CELF2: variants seen among roughly 807,000 people sequenced by gnomAD.
CELF2 encodes the protein CUG triplet repeat RNA-binding protein 2.
Under a neutral mutation model 62.6 loss-of-function variants are expected in CELF2, and 8 were observed. That is an observed-to-expected ratio of 0.13 (90% confidence interval 0.07 to 0.23). The LOEUF (loss-of-function observed/expected upper bound fraction) is 0.23. CELF2 is among the 10% of genes least tolerant of loss of function. The pLI is 1.00. For missense variants in CELF2, 333 were observed against 671.0 expected (o/e 0.50, Z 5.56); for synonymous variants, 258 against 250.0 (o/e 1.03, Z -0.30).
chr10:10,643,847 T>C, the CELF2 span, among the ~76,000 whole-genome samples: 1 of 152,224 alleles, frequency 6.6e-6, no homozygotes, highest in Non-Finnish European at 1.5e-5. Flanking sequence ...TGGCAATTTC[T>C]TAACTCTCAT....
the CELF2 span, among the ~76,000 whole-genome samples, chr10:10,593,343 T>A: frequency 4.5e-4 from 68 of 152,352 alleles, no homozygotes; most frequent in African/African-American, 1.5e-3. Flanking sequence ...ATCCAAGGTC[T>A]CCAGTAGAAT....
At chr10:10,933,145 G>T (rs565471071) in intron 2 of CELF2, among the ~76,000 whole-genome samples, 115 of 150,452 alleles carry the variant, frequency 7.6e-4, no homozygotes, top group African/African-American at 2.7e-3. Context: ...AAAAAAAAAG[G>T]TACAAAAGTT....
chr10:10,563,633 AG>A, the CELF2 span, among the ~76,000 whole-genome samples: 1 of 148,562 alleles, frequency 6.7e-6, no homozygotes, highest in Non-Finnish European at 1.5e-5. Context: ...AAAAAGGGCA[AG>A]GGGAAGATAG....
rs1395871858 is a variant in CELF2, at chr10:11,324,898, T to A, written c.1295-938T>A. Among the ~76,000 whole-genome samples, 1 of 152,186 alleles carries A rather than the reference T, an allele frequency of 6.6e-6. No homozygotes were observed. Among genetic ancestry groups the A allele is most frequent in the Non-Finnish European group, 1.5e-5 (1 of 68,028 alleles). Reference sequence around the variant, plus strand: ...GCTGCAGAAGTCGCCTCACCAGTTCTGTGAGCGCCCCTCCTCGGAAGACTC... The same window carrying A: ...GCTGCAGAAGTCGCCTCACCAGTTCAGTGAGCGCCCCTCCTCGGAAGACTC... On this transcript the variant is annotated intron_variant, in intron 11 of 12. Transcript: ENST00000633077. This position sits in a 1 kb window ranked among gnomAD's most constrained non-coding sequence, Gnocchi z 4.7.
intron 1 of CELF2, chr10:10,798,892 G>C (rs1367162763): frequency 5.0e-6 from 2 of 398,696 alleles, no homozygotes; most frequent in African/African-American, 4.1e-5. Flanking sequence ...CCACACCTGT[G>C]CAGAAGTGGT....
chr10:11,126,109 G>C (rs2058654449), intron 1 of CELF2, among the ~76,000 whole-genome samples: 1 of 152,218 alleles, frequency 6.6e-6, no homozygotes, highest in Non-Finnish European at 1.5e-5. Flanking sequence ...AAGATACGCT[G>C]TCTGGAAGAC....
At chr10:11,054,069 T>A (rs533831114) in intron 1 of CELF2, among the ~76,000 whole-genome samples, 1 of 152,352 alleles carries the variant, frequency 6.6e-6, no homozygotes, top group East Asian at 1.9e-4. Flanking sequence ...TAATTTCCAG[T>A]ATCTTTAGTA....
the CELF2 span, among the ~76,000 whole-genome samples, chr10:10,728,858 C>T: frequency 1.1e-4 from 17 of 152,074 alleles, no homozygotes; most frequent in Non-Finnish European, 2.1e-4. Context: ...ATGATTCTAC[C>T]GCCTCTAAAT....
At chr10:10,686,147 C>T in the CELF2 span, among the ~76,000 whole-genome samples, 22 of 152,056 alleles carry the variant, frequency 1.4e-4, no homozygotes, top group Non-Finnish European at 2.8e-4. Flanking sequence ...CAAATAGATC[C>T]TTTCAATTGG....
the CELF2 span, among the ~76,000 whole-genome samples, chr10:10,516,735 A>G: frequency 3.7e-5 from 1 of 26,858 alleles, no homozygotes; most frequent in South Asian, 1.4e-3. Context: ...CAGCATCATT[A>G]AAAAAAAAAA....
At chr10:11,069,640 C>G (rs535383026) in intron 1 of CELF2, among the ~76,000 whole-genome samples, 1 of 152,054 alleles carries the variant, frequency 6.6e-6, no homozygotes, top group Non-Finnish European at 1.5e-5. Context: ...TATAAGTGGA[C>G]AAATGCAGGT....
the CELF2 span, among the ~76,000 whole-genome samples, chr10:10,479,916 C>T: frequency 1.3e-5 from 2 of 152,172 alleles, no homozygotes; most frequent in Non-Finnish European, 2.9e-5. Flanking sequence ...CGTAACTGTG[C>T]ATTCATTGTC....
intron 1 of CELF2, among the ~76,000 whole-genome samples, chr10:10,818,112 C>T (rs1787063020): frequency 6.6e-6 from 1 of 152,138 alleles, no homozygotes; most frequent in South Asian, 2.1e-4. Flanking sequence ...TCATTGGGGT[C>T]AATAAAATTG....
the CELF2 span, among the ~76,000 whole-genome samples, chr10:10,577,364 T>TTTATTATTATTATTATTATTA: frequency 2.1e-4 from 30 of 141,424 alleles, no homozygotes; most frequent in Middle Eastern, 7.1e-3. Context: ...AACAAATCTT[T>TTTATTATTATTATTATTATTA]TTATTATTAT....
intron 2 of CELF2, among the ~76,000 whole-genome samples, chr10:11,209,636 GT>G (rs200006207): frequency 3.4e-5 from 5 of 148,362 alleles, no homozygotes; most frequent in Admixed American, 6.7e-5. Context: ...TTTTTGATGG[GT>G]TTTTTTTTAA....
At chr10:10,464,693 G>A in the CELF2 span, among the ~76,000 whole-genome samples, 4 of 152,084 alleles carry the variant, frequency 2.6e-5, no homozygotes, top group Non-Finnish European at 5.9e-5. Flanking sequence ...TTTGCAGAAC[G>A]CAATGTAAAA....
chr10:10,958,361 G>C (rs974018496), intron 2 of CELF2, among the ~76,000 whole-genome samples: 1 of 152,150 alleles, frequency 6.6e-6, no homozygotes, highest in Non-Finnish European at 1.5e-5. Context: ...AGAACAAACG[G>C]TGGAGTCAGG....
At chr10:10,886,153 CCTT>C (rs2061734234) in intron 1 of CELF2, among the ~76,000 whole-genome samples, 1 of 152,130 alleles carries the variant, frequency 6.6e-6, no homozygotes, top group South Asian at 2.1e-4. Flanking sequence ...ACCCTTCCCT[CCTT>C]CTTTCCTTCC....
intron 1 of CELF2, among the ~76,000 whole-genome samples, chr10:11,089,208 G>A (rs2047638296): frequency 6.6e-6 from 1 of 152,180 alleles, no homozygotes; most frequent in South Asian, 2.1e-4. Flanking sequence ...AAGAGCATGT[G>A]GGATGGGAAT....
Sources: allele counts gnomAD v4.1 joint callset (sites outside exome capture counted in the v4.1 genomes callset), GRCh38; gene constraint gnomAD v4.1.1; non-coding constraint Gnocchi (gnomAD v3.1); transcripts MANE v1.5; gene names NCBI Gene and HGNC (gene_info 2026-07-23, HGNC 2026-07-21).